The following INTS8 variants were observed in gnomAD, a reference collection of about 807,000 sequenced individuals.
INTS8 encodes the protein integrator complex subunit 8.
In INTS8, 47 loss-of-function variants were observed where a neutral mutation model predicts 138.9. The ratio of observed to expected loss-of-function variants is 0.34; its 90% CI spans 0.27 to 0.43. The LOEUF is 0.43. Ranked by LOEUF, INTS8 falls within the 20% of genes least tolerant of loss-of-function variation. The probability of loss-of-function intolerance (pLI) is 1.00; values close to 1 mark genes in which losing one functional copy is unlikely to be tolerated. For synonymous variants in INTS8, 392 were observed against 400.9 expected (o/e 0.98, Z 0.27); for missense variants, 996 against 1,173.0 (o/e 0.85, Z 2.20).
chr8:94,871,414 G>A (rs1008597116), intron 20 of INTS8, among the ~76,000 whole-genome samples: 3 of 151,842 alleles, frequency 2.0e-5, no homozygotes, highest in East Asian at 1.9e-4. Flanking sequence ...GGAGGCGGAG[G>A]TTGCAGTGAG....
At position 94,876,469 on chromosome 8, in the gene INTS8, AC is replaced by A; in HGVS notation, c.2852del (p.Thr951LysfsTer16). 1 of 1,557,456 alleles carries A rather than the reference AC, an allele frequency of 6.4e-7. No individual in the cohort carries two copies. The highest frequency in any genetic ancestry group is 8.8e-7 in the Non-Finnish European group (1 of 1,135,024). ...AGATCTTCATCATAAAAGAGGAGAA[AC>A]AGATAAAAGACAAATTGCAGTAAGT... ...LTYLHHKRGE[T>X]DKRQIAIKAI... On this transcript the variant is annotated frameshift_variant, in exon 26 of 27. Transcript: ENST00000523731. LOFTEE classifies it high-confidence loss of function.
chr8:94,823,519 G>A lies in INTS8; in HGVS notation c.88G>A (p.Glu30Lys). 1 of 1,575,200 alleles carries A rather than the reference G, an allele frequency of 6.3e-7. No individual in the cohort carries two copies. Among genetic ancestry groups the A allele is most frequent in the Non-Finnish European group, 8.6e-7 (1 of 1,160,914 alleles). ...GACCTGCTGGTTTGAGTTTCTGCTG[G>A]AGGAGTCACTGTTGGAGAAACATCT... ...PQTCWFEFLL[E>K]ESLLEKHLRK... Residue 30 changes from glutamate to lysine, a missense_variant, in exon 1 of 27, where the codon GAG becomes AAG. Transcript: ENST00000523731.
intron 15 of INTS8, 87 bp from the exon 16 acceptor site, chr8:94,859,424 T>G: frequency 7.4e-7 from 1 of 1,344,452 alleles, no homozygotes; most frequent in Non-Finnish European, 1.0e-6. Context: ...TGTTTTTTTA[T>G]TCAGTTGAAA....
intron 9 of INTS8, among the ~76,000 whole-genome samples, chr8:94,841,983 C>T (rs996553526): frequency 5.9e-5 from 9 of 151,676 alleles, no homozygotes; most frequent in Non-Finnish European, 7.4e-5. Flanking sequence ...GCACGAGAAT[C>T]GCTTGAACCC....
chr8:94,842,697 T>C (rs1451595061), intron 10 of INTS8, among the ~76,000 whole-genome samples: 1 of 152,234 alleles, frequency 6.6e-6, no homozygotes, highest in East Asian at 1.9e-4. Context: ...AGCATCTTTA[T>C]TGGATTCTCC....
chr8:94,858,116 A>T (rs970901079), intron 15 of INTS8, among the ~76,000 whole-genome samples: 1 of 152,226 alleles, frequency 6.6e-6, no homozygotes, highest in Admixed American at 6.5e-5. Context: ...ACGACACATA[A>T]ATCTTTCTTA....
intron 15 of INTS8, among the ~76,000 whole-genome samples, chr8:94,857,619 C>T (rs982083421): frequency 3.3e-5 from 5 of 152,178 alleles, no homozygotes; most frequent in African/African-American, 1.2e-4. Flanking sequence ...AAGACTCTTT[C>T]CTTGCGTCTT....
intron 14 of INTS8, among the ~76,000 whole-genome samples, chr8:94,856,488 C>T (rs777334375): frequency 6.6e-6 from 1 of 152,018 alleles, no homozygotes; most frequent in Non-Finnish European, 1.5e-5. Flanking sequence ...AGAATTTACA[C>T]CTGTGTAATA....
chr8:94,848,013 C>CTTT, intron 10 of INTS8, among the ~76,000 whole-genome samples: 1 of 129,998 alleles, frequency 7.7e-6, no homozygotes, highest in Non-Finnish European at 1.7e-5. Flanking sequence ...TAAAACACTG[C>CTTT]TTTTTTTTTT....
chr8:94,860,918 G>C (rs373088910), intron 16 of INTS8, among the ~76,000 whole-genome samples: 2 of 151,532 alleles, frequency 1.3e-5, no homozygotes, highest in South Asian at 2.1e-4. Flanking sequence ...TTAGCCGGGC[G>C]TAGTGGCGGG....
At chr8:94,872,798 G>T (rs1457710371) in intron 21 of INTS8, among the ~76,000 whole-genome samples, 1 of 152,030 alleles carries the variant, frequency 6.6e-6, no homozygotes, top group East Asian at 1.9e-4. Flanking sequence ...TTTAGGAGTT[G>T]GTTTTTAATT....
intron 15 of INTS8, among the ~76,000 whole-genome samples, chr8:94,858,044 T>C (rs982184922): frequency 1.3e-5 from 2 of 152,230 alleles, no homozygotes; most frequent in African/African-American, 4.8e-5. Flanking sequence ...AGATCTTGAG[T>C]GTTTAATTCT....
At chr8:94,823,773 G>C (rs1053021583) in intron 1 of INTS8, among the ~76,000 whole-genome samples, 11 of 152,256 alleles carry the variant, frequency 7.2e-5, no homozygotes, top group Non-Finnish European at 1.5e-4. Context: ...TACCCCCGGA[G>C]GGGAGGGCTT....
chr8:94,843,699 T>C (rs958500448), intron 10 of INTS8, among the ~76,000 whole-genome samples: 2 of 151,786 alleles, frequency 1.3e-5, no homozygotes, highest in Non-Finnish European at 2.9e-5. Flanking sequence ...TTGTTTATAG[T>C]TTTTGCCGCT....
chr8:94,845,185 AT>A (rs138905105), intron 10 of INTS8, among the ~76,000 whole-genome samples: 28,352 of 152,008 alleles, frequency 0.19, 2,777 homozygotes, highest in Middle Eastern at 0.28. Flanking sequence ...TTCTTCTATT[AT>A]TATCTTCTAA....
At chr8:94,854,182 G>C (rs1458503819) in intron 14 of INTS8, among the ~76,000 whole-genome samples, 1 of 150,644 alleles carries the variant, frequency 6.6e-6, no homozygotes, top group Non-Finnish European at 1.5e-5. Context: ...CTCCGGCCTG[G>C]GTGACAGAGT....
intron 8 of INTS8, among the ~76,000 whole-genome samples, chr8:94,839,859 G>A (rs1258897128): frequency 6.6e-6 from 1 of 152,118 alleles, no homozygotes; most frequent in Non-Finnish European, 1.5e-5. Flanking sequence ...TAGCACTGCT[G>A]CACTCCAGCT....
In INTS8 at chr8:94,849,475, C is replaced by T; in HGVS notation, c.1274C>T (p.Ser425Leu). 6.5e-7 allele frequency: 1 copy of T among 1,533,866 alleles called. No homozygotes were observed. Among genetic ancestry groups the T allele is most frequent in the Non-Finnish European group, 8.9e-7 (1 of 1,119,990 alleles). ...TCAAATTCCTAGGTATGTTCAAGAT[C>T]AGTAAATTTAGAAAAAGCTTCAGAG... is the stretch of plus-strand genomic sequence containing the variant. ...IDFLLEVCSRSVNLEKASESL... is the reference protein window; with the variant it reads ...IDFLLEVCSRLVNLEKASESL... Residue 425 changes from serine to leucine, a missense_variant, in exon 11 of 27, where the codon TCA becomes TTA. By Grantham distance (145) the Ser-to-Leu change is moderately radical. Transcript: ENST00000523731.
chr8:94,873,975 A>C (rs559644770), intron 22 of INTS8, among the ~76,000 whole-genome samples: 1 of 152,250 alleles, frequency 6.6e-6, no homozygotes, highest in East Asian at 1.9e-4. Flanking sequence ...TAAGATATAC[A>C]GAATAATGTT....
Sources: allele counts gnomAD v4.1 joint callset (sites outside exome capture counted in the v4.1 genomes callset), GRCh38; gene constraint gnomAD v4.1.1; transcripts MANE v1.5; gene names NCBI Gene and HGNC (gene_info 2026-07-23, HGNC 2026-07-21).